SNTG2: variants seen among roughly 807,000 people sequenced by gnomAD.
SNTG2 encodes the protein syntrophin gamma 2, also known as gamma-2-syntrophin.
In SNTG2, 74 loss-of-function variants were observed where a neutral mutation model predicts 70.9. The observed-to-expected ratio is 1.04, with a 90% CI of 0.86 to 1.27. The LOEUF (loss-of-function observed/expected upper bound fraction) is 1.27, where lower values mean the gene tolerates loss of function less well. SNTG2 is among the 50% of genes most tolerant of loss of function. The pLI, the probability that SNTG2 is intolerant of heterozygous loss-of-function variation, is 0.00. For synonymous variants in SNTG2, 278 were observed against 273.8 expected (o/e 1.02, Z -0.15); for missense variants, 717 against 690.7 (o/e 1.04, Z -0.43).
chr2:1,219,576 T>C (rs547989169), intron 9 of SNTG2, among the ~76,000 whole-genome samples: 186 of 152,280 alleles, frequency 1.2e-3, no homozygotes, highest in African/African-American at 4.4e-3. Flanking sequence ...TGCTTTTTAT[T>C]TATCTGCTCA....
At chr2:1,169,629 C>G (rs986103966) in intron 7 of SNTG2, among the ~76,000 whole-genome samples, 2 of 152,160 alleles carry the variant, frequency 1.3e-5, no homozygotes, top group Non-Finnish European at 2.9e-5. Context: ...CACATCCTGA[C>G]TTCTGTCCGT....
chr2:1,251,768 C>T (rs373486086), intron 12 of SNTG2, among the ~76,000 whole-genome samples: 8 of 151,084 alleles, frequency 5.3e-5, no homozygotes, highest in African/African-American at 1.9e-4. Flanking sequence ...ACTACACGCA[C>T]ACCACATCTG....
chr2:986,134 G>A (rs1572193358), intron 1 of SNTG2, among the ~76,000 whole-genome samples: 1 of 148,444 alleles, frequency 6.7e-6, no homozygotes, highest in South Asian at 2.2e-4. Flanking sequence ...CATGTGCTGA[G>A]TATCAATTTT....
intron 9 of SNTG2, among the ~76,000 whole-genome samples, chr2:1,234,455 G>A (rs1226760993): frequency 1.3e-5 from 2 of 152,006 alleles, no homozygotes; most frequent in Admixed American, 6.6e-5. Flanking sequence ...TGGTACTTAC[G>A]GGCTTACAAA....
intron 9 of SNTG2, among the ~76,000 whole-genome samples, chr2:1,222,486 AAGTGGTGCAGTGATGGAG>A (rs1675336615): frequency 3.5e-5 from 5 of 141,428 alleles, no homozygotes; most frequent in South Asian, 2.2e-4. Context: ...CTGTAGAGGA[AAGTGGTGCAGTGATGGAG>A]GGCGTCTCCC....
intron 2 of SNTG2, among the ~76,000 whole-genome samples, chr2:1,084,022 T>C (rs899787563): frequency 6.0e-5 from 9 of 150,578 alleles, no homozygotes; most frequent in African/African-American, 1.7e-4. Flanking sequence ...GCCTGGGCAA[T>C]AGAGCGAGGC....
At chr2:976,870 T>A (rs1660922425) in intron 1 of SNTG2, among the ~76,000 whole-genome samples, 1 of 152,054 alleles carries the variant, frequency 6.6e-6, no homozygotes, top group African/African-American at 2.4e-5. Flanking sequence ...ATCTTCCAGA[T>A]TTGCTCAGTT....
In SNTG2 at chr2:1,255,923, TATAA is replaced by T. The variant is rs1226978593; in HGVS notation, c.1006-3443_1006-3440del. 1.2e-3 allele frequency among the ~76,000 whole-genome samples: 65 copies of T among 53,186 alleles called. 1 individual carries two copies. The highest frequency in any genetic ancestry group is 8.2e-3 in the East Asian group (13 of 1,580). 34.9% of individuals were successfully genotyped at this position (53,186 alleles called of 152,430 possible). ...ATATATATAAATATATATATAAATA[TATAA>T]ATATATAAATATATATATATATAAC... On this transcript the variant is annotated intron_variant, in intron 12 of 16. Coordinates refer to ENST00000308624, the MANE Select transcript of SNTG2 (RefSeq NM_018968.4).
intron 12 of SNTG2, among the ~76,000 whole-genome samples, chr2:1,250,572 ATCTG>A (rs1178496121): frequency 1.5e-5 from 2 of 136,860 alleles, no homozygotes; most frequent in Non-Finnish European, 3.2e-5. Flanking sequence ...CTCTTTCTCC[ATCTG>A]TCTTTGTCTT....
chr2:1,266,425 T>C (rs1251127056), intron 13 of SNTG2, among the ~76,000 whole-genome samples: 1 of 152,214 alleles, frequency 6.6e-6, no homozygotes, highest in African/African-American at 2.4e-5. Flanking sequence ...GAGTGATTAA[T>C]AGACGTGCTG....
chr2:1,305,730 A>G (rs894309874), intron 14 of SNTG2, among the ~76,000 whole-genome samples: 3 of 152,198 alleles, frequency 2.0e-5, no homozygotes, highest in African/African-American at 4.8e-5. Context: ...TCTGAAAATG[A>G]GATTTTGTGT....
chr2:1,043,164 G>A (rs1181187799), intron 1 of SNTG2, among the ~76,000 whole-genome samples: 5 of 152,086 alleles, frequency 3.3e-5, no homozygotes, highest in African/African-American at 9.7e-5. Context: ...CCACATATAC[G>A]TCTTTTTTTG....
chr2:1,011,092 G>A (rs926342980), intron 1 of SNTG2, among the ~76,000 whole-genome samples: 4 of 152,176 alleles, frequency 2.6e-5, no homozygotes, highest in Non-Finnish European at 5.9e-5. Context: ...TTTATTGAAC[G>A]GAAGACAGAT....
chr2:1,259,222 C>A (rs879857040), intron 12 of SNTG2, 148 bp from the exon 13 acceptor site: 1 of 651,698 alleles, frequency 1.5e-6, no homozygotes, highest in African/African-American at 1.8e-5. Context: ...CACAGCAGTA[C>A]GTAAAGTTTA....
chr2:1,054,517 C>G (rs1456309261), intron 1 of SNTG2, among the ~76,000 whole-genome samples: 2 of 152,174 alleles, frequency 1.3e-5, no homozygotes, highest in Admixed American at 1.3e-4. Context: ...TGTCACTCTT[C>G]CTAGCAGGTT....
chr2:1,098,406 A>G lies in SNTG2; in HGVS notation c.321A>G (p.Gln107=), dbSNP rs762556120. The part of the protein sequence containing the change: ...PVVISKIFED[Q]AADQTGMLFV... ...TCATATCAAAAATATTCGAAGACCAAGCAGGTAAAAACAGCCAAAATGACC... is the reference window on the plus strand; with the variant it reads ...TCATATCAAAAATATTCGAAGACCAGGCAGGTAAAAACAGCCAAAATGACC... Residue 107 remains glutamine, a synonymous_variant, in exon 4 of 17, where the codon CAA becomes CAG. Transcript: ENST00000308624. 6.2e-7 allele frequency: 1 copy of G among 1,614,030 alleles called. No individual in the cohort carries two copies. Among genetic ancestry groups the G allele is most frequent in the South Asian group, 1.1e-5 (1 of 91,088 alleles).
intron 8 of SNTG2, among the ~76,000 whole-genome samples, chr2:1,202,196 T>C (rs1673318195): frequency 6.6e-6 from 1 of 152,074 alleles, no homozygotes; most frequent in African/African-American, 2.4e-5. Flanking sequence ...CTTTTCTCAG[T>C]TTTCTTTCAG....
chr2:1,148,604 A>C (rs1477007628), intron 6 of SNTG2, among the ~76,000 whole-genome samples: 2 of 152,228 alleles, frequency 1.3e-5, no homozygotes, highest in African/African-American at 4.8e-5. Flanking sequence ...CCTGACACTA[A>C]GCCTGAGCTC....
chr2:990,301 C>T (rs1236083769), intron 1 of SNTG2, among the ~76,000 whole-genome samples: 1 of 152,196 alleles, frequency 6.6e-6, no homozygotes, highest in African/African-American at 2.4e-5. Flanking sequence ...GGAGCTCCAC[C>T]AGAGGCATCT....
Sources: gnomAD v4.1 joint callset for allele counts (sites outside exome capture counted in the v4.1 genomes callset) on GRCh38, gnomAD v4.1.1 for gene constraint, MANE v1.5 for transcripts, NCBI Gene and HGNC (gene_info 2026-07-23, HGNC 2026-07-21) for gene names.